The following BANK1 variants were observed in gnomAD, a reference collection of about 807,000 sequenced individuals.
BANK1 encodes the protein B cell scaffold protein with ankyrin repeats 1.
BANK1 carries 95 observed loss-of-function variants against 94.5 expected under a neutral mutation model. That is an observed-to-expected ratio of 1.00 (90% CI 0.85 to 1.19). The LOEUF is 1.19. BANK1 is among the 50% of genes most tolerant of loss of function. The pLI, the probability that BANK1 is intolerant of heterozygous loss-of-function variation, is 0.00. For missense variants in BANK1, 987 were observed against 932.2 expected (o/e 1.06, Z -0.77); for synonymous variants, 334 against 308.4 (o/e 1.08, Z -0.87).
intron 5 of BANK1, among the ~76,000 whole-genome samples, chr4:101,885,536 C>G (rs1728820363): frequency 6.6e-6 from 1 of 152,176 alleles, no homozygotes; most frequent in Non-Finnish European, 1.5e-5. Flanking sequence ...CTAATTGCTC[C>G]TCTAAATTCT....
At chr4:102,020,724 A>AT (rs1372795725) in intron 7 of BANK1, among the ~76,000 whole-genome samples, 1 of 152,158 alleles carries the variant, frequency 6.6e-6, no homozygotes, top group Non-Finnish European at 1.5e-5. Context: ...ATTTCAATTA[A>AT]TTTTTTAAGA....
In BANK1 at chr4:101,918,131, C is replaced by T. The variant is rs761582440; in HGVS notation, c.1148C>T (p.Ala383Val). The T allele has an allele frequency of 6.2e-7, 1 of 1,603,482 alleles. No individual in the cohort carries two copies. Among genetic ancestry groups the T allele is most frequent in the South Asian group, 1.1e-5 (1 of 89,532 alleles). Residue 383 changes from alanine to valine, a missense_variant, in exon 7 of 17, where the codon GCA becomes GTA. By Grantham distance (64) the Ala-to-Val change is moderately conservative. Coordinates refer to ENST00000322953, the MANE Select transcript of BANK1 (RefSeq NM_017935.5). ...KMKNMEGSDP[A>V]HIAERHGHKE... ...AAAAATATGGAGGGTTCAGACCCCG[C>T]ACATATTGCTGAAAGGCATGGTCAC... is the stretch of plus-strand genomic sequence containing the variant.
intron 1 of BANK1, among the ~76,000 whole-genome samples, chr4:101,829,316 G>T (rs546261791): frequency 3.3e-5 from 5 of 151,718 alleles, no homozygotes; most frequent in Non-Finnish European, 7.4e-5. Context: ...TCTCTTCTAC[G>T]TCAGGCTTTT....
At chr4:101,794,427 T>C (rs1725087931) in intron 1 of BANK1, among the ~76,000 whole-genome samples, 1 of 152,142 alleles carries the variant, frequency 6.6e-6, no homozygotes, top group African/African-American at 2.4e-5. Flanking sequence ...TGTTGCTTAA[T>C]CACCTAAGTT....
At chr4:101,964,071 A>AT (rs1292254933) in intron 7 of BANK1, among the ~76,000 whole-genome samples, 1 of 152,046 alleles carries the variant, frequency 6.6e-6, no homozygotes, top group African/African-American at 2.4e-5. Context: ...TGTCATCTTT[A>AT]TATCTTCTGC....
intron 2 of BANK1, among the ~76,000 whole-genome samples, chr4:101,833,886 A>G (rs1405231286): frequency 2.0e-5 from 3 of 152,160 alleles, no homozygotes; most frequent in East Asian, 1.9e-4. Flanking sequence ...TCTTTTTAGT[A>G]TTCCTCAAGT....
chr4:102,073,835 T>G lies in BANK1; in HGVS notation c.*5+87T>G. The G allele has an allele frequency of 9.6e-6, 10 of 1,044,544 alleles. No homozygotes were observed. In the South Asian group the frequency reaches 1.3e-4, roughly 14 times the overall value. The allele number at this position is 1,044,544 out of a possible 1,614,324, so 64.7% of individuals were successfully genotyped here. A position where few individuals can be genotyped will look rare whatever the true frequency, so the allele number is the denominator to read the frequency against. ...GGTATCATTTGTCTAAAAAACAGAA[T>G]TTTTTAAAGATTTCATTGTCTTCTC... On this transcript the variant is annotated intron_variant, in intron 16 of 16. Coordinates refer to ENST00000322953, the MANE Select transcript of BANK1 (RefSeq NM_017935.5).
Position 101,905,365 on chromosome 4 carries a change from C to T in BANK1, c.1009+9955C>T, listed in dbSNP as rs566597761. Among the ~76,000 whole-genome samples, 256 of 152,256 alleles carry T rather than the reference C, an allele frequency of 1.7e-3. 1 individual carries two copies. The highest frequency in any genetic ancestry group is 6.8e-3 in the Middle Eastern group (2 of 294). The stretch of plus-strand genomic sequence containing the variant: ...GCTGTGGTGGGGGACAGACATTGCA[C>T]GGGAGCGAGGGAATGGCCTGAGCTG... On this transcript the variant is annotated intron_variant, in intron 6 of 16. Transcript: ENST00000322953.
Position 102,030,176 on chromosome 4 carries a change from G to A in BANK1, c.1811G>A (p.Arg604Gln), listed in dbSNP as rs76745970. 27,901 of 1,613,782 alleles carry A rather than the reference G, an allele frequency of 0.017. 301 individuals are homozygous for A. Among genetic ancestry groups the A allele is most frequent in the Non-Finnish European group, 0.022 (25,736 of 1,179,858 alleles). Residue 604 changes from arginine (R) to glutamine (Q), a missense_variant, in exon 10 of 17, where the codon CGG (arginine) becomes CAG (glutamine). Transcript: ENST00000322953. ...AGTATAAAGAAAAAAACTGGGAGTC[G>A]GTCTTTCATTATAAATAGACCTCCT... Reference protein sequence around the residue: ...NLSIKKKTGSRSFIINRPPAP... With the variant: ...NLSIKKKTGSQSFIINRPPAP...
intron 7 of BANK1, among the ~76,000 whole-genome samples, chr4:101,937,889 C>T (rs187474908): frequency 2.3e-3 from 342 of 151,998 alleles, no homozygotes; most frequent in African/African-American, 7.5e-3. Context: ...CACATATACA[C>T]CATGGAATAC....
chr4:101,934,758 A>G (rs887971972), intron 7 of BANK1, among the ~76,000 whole-genome samples: 2 of 151,600 alleles, frequency 1.3e-5, no homozygotes, highest in Non-Finnish European at 3.0e-5. Context: ...AACAAGCACT[A>G]TTATGACTGC....
chr4:101,972,834 T>C (rs1321438412), intron 7 of BANK1: 1 of 152,144 alleles, frequency 6.6e-6, no homozygotes, highest in African/African-American at 2.4e-5. Context: ...TTGCCAGCAA[T>C]GGACTGATAA....
chr4:101,986,871 G>GTATATATATGTATATATA (rs201776580), intron 7 of BANK1, among the ~76,000 whole-genome samples: 2 of 49,712 alleles, frequency 4.0e-5, no homozygotes, highest in African/African-American at 8.8e-5. Context: ...ATATATGTGT[G>GTATATATATGTATATATA]TATGTGTGTG....
chr4:102,060,401 C>T lies in BANK1; in HGVS notation c.2148+12C>T, dbSNP rs201817696. 6.6e-5 allele frequency: 105 copies of T among 1,589,940 alleles called. No individual in the cohort carries two copies. Among genetic ancestry groups the T allele is most frequent in the Admixed American group, 9.1e-5 (5 of 55,098 alleles). ...AAATGATTCAGCAGGTAATATTGGC[C>T]CAGTGTTTTCTGGGACATTCCCTCA... On this transcript the variant is annotated intron_variant, in intron 12 of 16. Transcript: ENST00000322953.
intron 4 of BANK1, among the ~76,000 whole-genome samples, chr4:101,863,697 A>G (rs1371454409): frequency 2.0e-5 from 3 of 152,128 alleles, no homozygotes; most frequent in African/African-American, 7.2e-5. Context: ...TGTCATGGAT[A>G]AGCATGTGTA....
intron 2 of BANK1, among the ~76,000 whole-genome samples, chr4:101,840,409 G>A (rs1366262718): frequency 1.3e-5 from 2 of 152,002 alleles, no homozygotes; most frequent in Admixed American, 6.6e-5. Context: ...ATAAACTTGC[G>A]CCAAAACTGG....
At chr4:101,998,375 G>C (rs1357352543) in intron 7 of BANK1, among the ~76,000 whole-genome samples, 3 of 152,170 alleles carry the variant, frequency 2.0e-5, no homozygotes, top group African/African-American at 7.2e-5. Context: ...GTGTGGTGCT[G>C]AGAAGAATGT....
At chr4:101,798,517 A>G (rs1383100135) in intron 1 of BANK1, among the ~76,000 whole-genome samples, 1 of 152,118 alleles carries the variant, frequency 6.6e-6, no homozygotes, top group Admixed American at 6.6e-5. Flanking sequence ...CTAGTTCTAG[A>G]TCCTTGAGGA....
At chr4:101,969,672 G>A (rs1016208779) in intron 7 of BANK1, among the ~76,000 whole-genome samples, 2 of 151,988 alleles carry the variant, frequency 1.3e-5, no homozygotes, top group Non-Finnish European at 2.9e-5. Context: ...AATGTATTTG[G>A]GATAAGTATA....
Sources: gnomAD v4.1 joint callset for allele counts (sites outside exome capture counted in the v4.1 genomes callset) on GRCh38, gnomAD v4.1.1 for gene constraint, MANE v1.5 for transcripts, NCBI Gene and HGNC (gene_info 2026-07-23, HGNC 2026-07-21) for gene names.